Variants in CNTN1 observed in about 807,000 individuals in gnomAD.
The protein encoded by CNTN1 is contactin-1.
In CNTN1, 38 loss-of-function variants were observed where a neutral mutation model predicts 126.4. The observed-to-expected ratio is 0.30, with a 90% CI of 0.23 to 0.39. The LOEUF (loss-of-function observed/expected upper bound fraction) is 0.39, where lower values mean the gene tolerates loss of function less well. Among genes scored for constraint, CNTN1 ranks in the 10% least tolerant of loss-of-function variants. The probability of loss-of-function intolerance (pLI) is 1.00; values close to 1 mark genes in which losing one functional copy is unlikely to be tolerated. For missense variants in CNTN1, 1,009 were observed against 1,248.4 expected, an observed-to-expected ratio of 0.81 and a Z score of 2.89; for synonymous variants, 413 against 422.6, an observed-to-expected ratio of 0.98 and a Z score of 0.28.
chr12:41,014,324 T>G (rs537300931), intron 18 of CNTN1, 26 bp downstream of exon 18: 1 of 1,610,574 alleles, frequency 6.2e-7, no homozygotes, highest in East Asian at 2.2e-5. Context: ...TTGCACATAT[T>G]ATAGGTTGCT....
chr12:41,006,341 G>T (rs1948493364), intron 17 of CNTN1, among the ~76,000 whole-genome samples: 1 of 152,194 alleles, frequency 6.6e-6, no homozygotes, highest in Non-Finnish European at 1.5e-5. Context: ...AAGTGCTGGG[G>T]TATCTGCCTC....
chr12:41,017,298 G>A (rs538621523), intron 19 of CNTN1, among the ~76,000 whole-genome samples: 6 of 151,138 alleles, frequency 4.0e-5, no homozygotes, highest in East Asian at 1.9e-4. Flanking sequence ...ATGGCCGGGC[G>A]TGGTGGCGCA....
intron 1 of CNTN1, among the ~76,000 whole-genome samples, chr12:40,817,624 G>A (rs938807158): frequency 1.3e-5 from 2 of 151,392 alleles, no homozygotes; most frequent in Non-Finnish European, 2.9e-5. Flanking sequence ...TATCCAGTTT[G>A]CCAGTCTGTG....
intron 18 of CNTN1, 92 bp downstream of exon 18, chr12:41,014,390 GTGAC>G (rs1948734191): frequency 7.9e-7 from 1 of 1,267,218 alleles, no homozygotes; most frequent in Non-Finnish European, 1.1e-6. Flanking sequence ...TGAGATGAAA[GTGAC>G]TGCCTACTGC....
intron 1 of CNTN1, among the ~76,000 whole-genome samples, chr12:40,732,454 T>C (rs1407652013): frequency 3.3e-5 from 5 of 152,028 alleles, no homozygotes; most frequent in Admixed American, 1.3e-4. Flanking sequence ...TATCCAAAAT[T>C]CTCAAATTTC....
intron 1 of CNTN1, among the ~76,000 whole-genome samples, chr12:40,902,573 C>T (rs1462563985): frequency 6.6e-6 from 1 of 151,528 alleles, no homozygotes; most frequent in African/African-American, 2.4e-5. Context: ...ACCTGATGTG[C>T]CAAAAAATTT....
chr12:40,777,656 A>G (rs1377913892), intron 1 of CNTN1, among the ~76,000 whole-genome samples: 1 of 151,904 alleles, frequency 6.6e-6, no homozygotes, highest in African/African-American at 2.4e-5. Flanking sequence ...GAATGAATAT[A>G]CAAATCTGCA....
At chr12:40,936,294 C>T (rs923742855) in intron 9 of CNTN1, among the ~76,000 whole-genome samples, 1 of 151,988 alleles carries the variant, frequency 6.6e-6, no homozygotes, top group Non-Finnish European at 1.5e-5. Context: ...AGTCATTTTT[C>T]TAGCGCCAAA....
At chr12:41,066,688 A>C (rs1193804424) in intron 23 of CNTN1, among the ~76,000 whole-genome samples, 1 of 152,202 alleles carries the variant, frequency 6.6e-6, no homozygotes, top group Non-Finnish European at 1.5e-5. Flanking sequence ...AGAATCAGAA[A>C]GGAAGTTTGT....
chr12:40,822,636 A>T lies in CNTN1; in HGVS notation c.-76-85721A>T, dbSNP rs140262505. ...TAAACATGGCTTTTTGTCATATGGA[A>T]CTCAAATTCTGTCTTATTCCTTATA... is the stretch of plus-strand genomic sequence containing the variant. On this transcript the variant is annotated intron_variant, in intron 1 of 23. Coordinates refer to ENST00000551295, the MANE Select transcript of CNTN1 (RefSeq NM_001843.4). 2.0e-3 allele frequency among the ~76,000 whole-genome samples: 304 copies of T among 152,198 alleles called. 1 individual carries two copies. The highest frequency in any genetic ancestry group is 3.4e-3 in the Non-Finnish European group (232 of 68,000).
At chr12:40,953,828 G>A (rs1263518126) in intron 14 of CNTN1, among the ~76,000 whole-genome samples, 3 of 152,142 alleles carry the variant, frequency 2.0e-5, no homozygotes, top group East Asian at 1.9e-4. Context: ...ATAAGTGAAT[G>A]TATAAACAGC....
At chr12:40,893,126 C>T (rs1944298917) in intron 1 of CNTN1, among the ~76,000 whole-genome samples, 1 of 151,910 alleles carries the variant, frequency 6.6e-6, no homozygotes, top group Admixed American at 6.6e-5. Flanking sequence ...CACCTTTCAC[C>T]TAAAGTTTTC....
At chr12:41,012,541 C>G (rs907185915) in intron 17 of CNTN1, among the ~76,000 whole-genome samples, 20 of 152,116 alleles carry the variant, frequency 1.3e-4, no homozygotes, top group Non-Finnish European at 2.1e-4. Context: ...CCAGGGATAG[C>G]CCCAGCCAGA....
chr12:40,723,901 C>A (rs1356793255), intron 1 of CNTN1, among the ~76,000 whole-genome samples: 2 of 152,108 alleles, frequency 1.3e-5, no homozygotes, highest in Non-Finnish European at 2.9e-5. Flanking sequence ...GGACCCTAGA[C>A]ACTTCTAACT....
At chr12:40,966,036 ACACG>A (rs1276373757) in intron 15 of CNTN1, among the ~76,000 whole-genome samples, 49 of 149,316 alleles carry the variant, frequency 3.3e-4, no homozygotes, top group African/African-American at 1.2e-3. Context: ...ACACACACAC[ACACG>A]CACGCATTGG....
chr12:40,759,319 T>C (rs538856641), intron 1 of CNTN1, among the ~76,000 whole-genome samples: 17 of 152,172 alleles, frequency 1.1e-4, no homozygotes, highest in Non-Finnish European at 2.4e-4. Context: ...TGAGCCCTGA[T>C]TGGCTGGGTC....
chr12:40,841,749 A>G (rs981003002), intron 1 of CNTN1, among the ~76,000 whole-genome samples: 2 of 152,052 alleles, frequency 1.3e-5, no homozygotes, highest in African/African-American at 4.8e-5. Flanking sequence ...ACAACTCTCA[A>G]CAAACTAGGT....
intron 1 of CNTN1, among the ~76,000 whole-genome samples, chr12:40,695,782 T>G (rs1056768518): frequency 1.3e-5 from 2 of 152,208 alleles, no homozygotes; most frequent in African/African-American, 4.8e-5. Context: ...TAACTTTCCT[T>G]TCTTTGTCTC....
At position 40,813,350 on chromosome 12, in the gene CNTN1, C is replaced by G. The variant is rs567179800; in HGVS notation, c.-76-95007C>G. Among the ~76,000 whole-genome samples, 3 of 151,996 alleles carry G rather than the reference C, an allele frequency of 2.0e-5. No homozygotes were observed. In the South Asian group the frequency reaches 6.2e-4, roughly 32 times the overall value. On this transcript the variant is annotated intron_variant, in intron 1 of 23. Coordinates refer to ENST00000551295, the MANE Select transcript of CNTN1 (RefSeq NM_001843.4). ...CCTCTAAGTTCCCTCCCCTCAACCC[C>G]CAACCCACAACAGGCCAGGGTATGT...
Sources: allele counts gnomAD v4.1 joint callset (sites outside exome capture counted in the v4.1 genomes callset), GRCh38; gene constraint gnomAD v4.1.1; transcripts MANE v1.5; gene names NCBI Gene and HGNC (gene_info 2026-07-23, HGNC 2026-07-21).